Variants in AGBL1 observed in about 807,000 individuals in gnomAD.
AGBL1 encodes the protein cytosolic carboxypeptidase 4.
A neutral mutation model predicts 118.9 loss-of-function variants in AGBL1; 130 were observed. The ratio of observed to expected loss-of-function variants is 1.09; its 90% CI spans 0.95 to 1.26. The LOEUF (loss-of-function observed/expected upper bound fraction) is 1.26, where lower values mean the gene tolerates loss of function less well. AGBL1 is among the 50% of genes most tolerant of loss of function. The pLI, the probability that AGBL1 is intolerant of heterozygous loss-of-function variation, is 0.00. For missense variants in AGBL1, 1,584 were observed against 1,298.1 expected (o/e 1.22, Z -3.38); for synonymous variants, 555 against 478.9 (o/e 1.16, Z -2.08).
chr15:86,372,069 T>C (rs2080978980), intron 17 of AGBL1, among the ~76,000 whole-genome samples: 2 of 152,204 alleles, frequency 1.3e-5, no homozygotes, highest in Admixed American at 6.5e-5. Context: ...GCTGGGCTTT[T>C]CATCCTGGTA....
intron 21 of AGBL1, among the ~76,000 whole-genome samples, chr15:86,662,492 C>T (rs2085562400): frequency 6.6e-6 from 1 of 152,140 alleles, no homozygotes; most frequent in African/African-American, 2.4e-5. Flanking sequence ...CAAAATACTC[C>T]CTTTATGCTA....
At chr15:86,927,682 C>T (rs2080559524) in intron 23 of AGBL1, among the ~76,000 whole-genome samples, 1 of 152,056 alleles carries the variant, frequency 6.6e-6, no homozygotes, top group Admixed American at 6.6e-5. Context: ...ATAATATAAT[C>T]CAATATTGAT....
At chr15:86,246,801 A>G (rs1328837315) in intron 6 of AGBL1, among the ~76,000 whole-genome samples, 2 of 152,204 alleles carry the variant, frequency 1.3e-5, no homozygotes, top group African/African-American at 2.4e-5. Flanking sequence ...GACAGCCAAC[A>G]TATCTCTTAG....
chr15:86,960,321 T>G (rs967999635), intron 23 of AGBL1, among the ~76,000 whole-genome samples: 2 of 152,084 alleles, frequency 1.3e-5, no homozygotes, highest in Non-Finnish European at 2.9e-5. Context: ...GTACAACTTA[T>G]GCTCATATCT....
intron 18 of AGBL1, among the ~76,000 whole-genome samples, chr15:86,403,966 T>A (rs2081486348): frequency 6.6e-6 from 1 of 152,138 alleles, no homozygotes. Flanking sequence ...CATAAGAAAT[T>A]GTCTAGATAT....
intron 17 of AGBL1, among the ~76,000 whole-genome samples, chr15:86,387,684 G>C (rs1467649368): frequency 1.3e-5 from 2 of 152,192 alleles, no homozygotes; most frequent in East Asian, 3.9e-4. Flanking sequence ...CCTTCAATCA[G>C]TTTCCAAAAC....
At chr15:86,811,947 C>A (rs2078795844) in intron 22 of AGBL1, among the ~76,000 whole-genome samples, 1 of 152,180 alleles carries the variant, frequency 6.6e-6, no homozygotes, top group Admixed American at 6.6e-5. Flanking sequence ...TCAGTTTCTT[C>A]AACTCTGAAA....
chr15:86,272,782 T>G (rs1443381239), intron 15 of AGBL1, among the ~76,000 whole-genome samples: 1 of 152,186 alleles, frequency 6.6e-6, no homozygotes, highest in Non-Finnish European at 1.5e-5. Context: ...CCTGATCTAT[T>G]AGGATATGAA....
At chr15:86,511,557 TAGGC>T (rs2083052577) in intron 18 of AGBL1, among the ~76,000 whole-genome samples, 1 of 152,068 alleles carries the variant, frequency 6.6e-6, no homozygotes, top group South Asian at 2.1e-4. Context: ...TGTGTGACCT[TAGGC>T]AGGTTACTTA....
At chr15:86,754,575 T>A (rs1447125661) in intron 22 of AGBL1, among the ~76,000 whole-genome samples, 1 of 152,102 alleles carries the variant, frequency 6.6e-6, no homozygotes, top group Non-Finnish European at 1.5e-5. Flanking sequence ...CATTAATCCC[T>A]GACAGAGATT....
At chr15:86,148,253 A>G (rs957276677) in intron 3 of AGBL1, among the ~76,000 whole-genome samples, 2 of 152,234 alleles carry the variant, frequency 1.3e-5, no homozygotes, top group Non-Finnish European at 2.9e-5. Context: ...CTTGCCAGCA[A>G]CAGAACAAAA....
intron 13 of AGBL1, among the ~76,000 whole-genome samples, chr15:86,269,640 A>G (rs1185739973): frequency 1.3e-5 from 2 of 152,228 alleles, no homozygotes; most frequent in Non-Finnish European, 1.5e-5. Flanking sequence ...CCATAAATAA[A>G]TACAACTATT....
chr15:86,094,959 G>A (rs1010043950), intron 1 of AGBL1, among the ~76,000 whole-genome samples: 2 of 152,238 alleles, frequency 1.3e-5, no homozygotes, highest in African/African-American at 2.4e-5. Context: ...TGAAACTTCC[G>A]ACCAATTGGC....
At chr15:86,408,143 C>T (rs564621715) in intron 18 of AGBL1, among the ~76,000 whole-genome samples, 4 of 152,294 alleles carry the variant, frequency 2.6e-5, no homozygotes, top group Non-Finnish European at 4.4e-5. Context: ...CAAGGCATTG[C>T]ATCCCCTCTC....
intron 21 of AGBL1, among the ~76,000 whole-genome samples, chr15:86,671,868 G>T (rs888606260): frequency 6.6e-6 from 1 of 152,134 alleles, no homozygotes; most frequent in African/African-American, 2.4e-5. Flanking sequence ...CATTTGACAG[G>T]TATGTGCTCC....
chr15:86,432,708 G>A (rs1469131276), intron 18 of AGBL1, among the ~76,000 whole-genome samples: 1 of 152,236 alleles, frequency 6.6e-6, no homozygotes, highest in Admixed American at 6.5e-5. Context: ...AGATAAAGGA[G>A]CTTAGATAAA....
chr15:86,893,157 A>G (rs986349281), intron 22 of AGBL1, among the ~76,000 whole-genome samples: 1 of 152,114 alleles, frequency 6.6e-6, no homozygotes, highest in Non-Finnish European at 1.5e-5. Context: ...AGAAGGAGAC[A>G]TTCGGTGGAG....
intron 17 of AGBL1, among the ~76,000 whole-genome samples, chr15:86,315,277 C>G (rs2079984841): frequency 6.6e-6 from 1 of 152,160 alleles, no homozygotes; most frequent in Non-Finnish European, 1.5e-5. Flanking sequence ...TCACTCTTAT[C>G]TGCACTCACA....
At chr15:86,677,555 G>C (rs1382123265) in intron 22 of AGBL1, among the ~76,000 whole-genome samples, 2 of 152,070 alleles carry the variant, frequency 1.3e-5, no homozygotes, top group Non-Finnish European at 2.9e-5. Context: ...TGTTCGTCTC[G>C]ATTTGTATCC....
Sources: allele counts gnomAD v4.1 joint callset (sites outside exome capture counted in the v4.1 genomes callset), GRCh38; gene constraint gnomAD v4.1.1; transcripts MANE v1.5; gene names NCBI Gene and HGNC (gene_info 2026-07-23, HGNC 2026-07-21).